The following ERN1 variants were observed in gnomAD, a reference collection of about 807,000 sequenced individuals.
ERN1 encodes endoplasmic reticulum to nucleus signaling 1.
ERN1 carries 39 observed loss-of-function variants against 113.1 expected under a neutral mutation model. The ratio of observed to expected loss-of-function variants is 0.34; its 90% confidence interval spans 0.27 to 0.45. ERN1 has a LOEUF of 0.45. ERN1 is among the 20% of genes least tolerant of loss of function. ERN1 has a pLI of 1.00. For synonymous variants in ERN1, 507 were observed against 515.9 expected, an observed-to-expected ratio of 0.98 and a Z score of 0.23; for missense variants, 976 against 1,274.8, an observed-to-expected ratio of 0.77 and a Z score of 3.57.
chr17:64,060,562 C>T lies in ERN1; in HGVS notation c.1113G>A (p.Ala371=), dbSNP rs752482120. 151 of 1,613,550 alleles carry T rather than the reference C, an allele frequency of 9.4e-5. No homozygotes were observed. Among genetic ancestry groups the T allele is most frequent in the Non-Finnish European group, 1.2e-4 (136 of 1,179,598 alleles). Residue 371 remains alanine, a synonymous_variant, in exon 11 of 22, where the codon GCG becomes GCA. Transcript: ENST00000433197. ...GAAATCTCTCCAGCATCTTGGTAGACGCAGACAGTGGGGTTTCATGGTGTC... is the reference window on the plus strand; with the variant it reads ...GAAATCTCTCCAGCATCTTGGTAGATGCAGACAGTGGGGTTTCATGGTGTC... ...LIGHHETPLS[A]STKMLERFPN...
intron 2 of ERN1, among the ~76,000 whole-genome samples, chr17:64,093,605 A>G (rs1914147470): frequency 6.6e-6 from 1 of 152,154 alleles, no homozygotes; most frequent in South Asian, 2.1e-4. Context: ...ATGTCCTCAC[A>G]TGGTGGAGAG....
At chr17:64,088,856 C>T (rs1434336994) in intron 2 of ERN1, among the ~76,000 whole-genome samples, 1 of 152,176 alleles carries the variant, frequency 6.6e-6, no homozygotes, top group Non-Finnish European at 1.5e-5. Context: ...AAAAATGTCA[C>T]TGTGTTCACG....
At chr17:64,123,845 C>T (rs1261795043) in intron 1 of ERN1, among the ~76,000 whole-genome samples, 2 of 152,124 alleles carry the variant, frequency 1.3e-5, no homozygotes, top group Non-Finnish European at 2.9e-5. Flanking sequence ...AATTATGGTA[C>T]ATCCATTCCA....
At chr17:64,129,780 TCCCGTCAGGGAAGCTCTCCCGGC>T (rs1915185786) in intron 1 of ERN1, 173 bp downstream of exon 1, 1 of 436,076 alleles carries the variant, frequency 2.3e-6, no homozygotes, top group Non-Finnish European at 3.8e-6. Context: ...GGGCCGCGAC[TCCCGTCAGGGAAGCTCTCCCGGC>T]CCGGTGCCGC....
rs112317170 is a variant in ERN1 at position 64,089,505 on chromosome 17, A to G, written c.175+8616T>C. Among the ~76,000 whole-genome samples the G allele has an allele frequency of 2.9e-3, 439 of 152,252 alleles. 2 individuals carry two copies. The highest frequency in any genetic ancestry group is 9.6e-3 in the African/African-American group (397 of 41,548). ...GATTTGAGATGTTCAACTGGTAAAT[A>G]TAATGCAAATATTCCAAACCTAAAA... On this transcript the variant is annotated intron_variant, in intron 2 of 21. Transcript: ENST00000433197.
intron 1 of ERN1, among the ~76,000 whole-genome samples, chr17:64,111,820 A>AT (rs1198319196): frequency 6.6e-6 from 1 of 152,198 alleles, no homozygotes; most frequent in Non-Finnish European, 1.5e-5. Context: ...AATATTGAGA[A>AT]TTTCAAAAGT....
chr17:64,075,081 G>C, intron 5 of ERN1, 94 bp downstream of exon 5: 1 of 1,018,638 alleles, frequency 9.8e-7, no homozygotes, highest in South Asian at 1.4e-5. Flanking sequence ...GGTTGGCAAG[G>C]CGGTGACTGC....
At chr17:64,066,998 T>C in intron 7 of ERN1, 66 bp from the exon 8 acceptor site, 2 of 1,547,840 alleles carry the variant, frequency 1.3e-6, no homozygotes, top group East Asian at 2.3e-5. Context: ...TCCTCTACTC[T>C]TGTGGCAGGC....
chr17:64,045,035 A>T, intron 20 of ERN1, 108 bp from the exon 21 acceptor site: 1 of 837,430 alleles, frequency 1.2e-6, no homozygotes, highest in Non-Finnish European at 1.9e-6. Context: ...CTGAAAGGTG[A>T]GGTCACTCCA....
At chr17:64,073,578 G>A (rs951342092) in intron 5 of ERN1, among the ~76,000 whole-genome samples, 1 of 151,422 alleles carries the variant, frequency 6.6e-6, no homozygotes, top group Admixed American at 6.6e-5. Flanking sequence ...TGCAACCTCC[G>A]CCTCCAGGGT....
At chr17:64,111,356 TG>T (rs766990523) in intron 1 of ERN1, among the ~76,000 whole-genome samples, 7 of 149,100 alleles carry the variant, frequency 4.7e-5, no homozygotes, top group African/African-American at 1.8e-4. Flanking sequence ...GGTCATCCAA[TG>T]TTTTTTTTTT....
intron 9 of ERN1, 63 bp downstream of exon 9, chr17:64,065,146 C>A: frequency 8.5e-7 from 1 of 1,171,424 alleles, no homozygotes; most frequent in South Asian, 1.4e-5. Flanking sequence ...ATAGCAAAGT[C>A]ATTCTTTGCT....
intron 1 of ERN1, among the ~76,000 whole-genome samples, chr17:64,114,526 G>A (rs1011174425): frequency 1.3e-5 from 2 of 152,222 alleles, no homozygotes; most frequent in Non-Finnish European, 2.9e-5. Flanking sequence ...TTGAGGACCC[G>A]GTGGACCAGT....
intron 1 of ERN1, among the ~76,000 whole-genome samples, chr17:64,114,859 G>A (rs1342931152): frequency 6.6e-6 from 1 of 152,130 alleles, no homozygotes; most frequent in East Asian, 1.9e-4. Flanking sequence ...AATATTAGCA[G>A]AACACATCAG....
At chr17:64,098,490 A>T (rs763239955) in intron 1 of ERN1, 50 of 683,150 alleles carry the variant, frequency 7.3e-5, no homozygotes, top group South Asian at 6.8e-4. Context: ...AGAATTCTGA[A>T]ATAATCCATG....
chr17:64,094,262 T>C (rs1472993331), intron 2 of ERN1, among the ~76,000 whole-genome samples: 1 of 152,190 alleles, frequency 6.6e-6, no homozygotes, highest in Non-Finnish European at 1.5e-5. Context: ...GTGGCTATGG[T>C]GGTAAACTAT....
intron 5 of ERN1, among the ~76,000 whole-genome samples, chr17:64,072,702 C>A (rs144982163): frequency 6.6e-6 from 1 of 152,246 alleles, no homozygotes; most frequent in Non-Finnish European, 1.5e-5. Flanking sequence ...GCCATACCCC[C>A]TAATCTTGGT....
intron 1 of ERN1, among the ~76,000 whole-genome samples, chr17:64,103,927 T>C (rs1280583157): frequency 1.3e-5 from 2 of 152,104 alleles, no homozygotes; most frequent in Admixed American, 6.5e-5. Context: ...CATCAGTGGC[T>C]AGAGAACAAC....
At chr17:64,064,788 A>G (rs1349931878) in intron 9 of ERN1, among the ~76,000 whole-genome samples, 1 of 152,216 alleles carries the variant, frequency 6.6e-6, no homozygotes, top group Non-Finnish European at 1.5e-5. Flanking sequence ...GGGCATTTGA[A>G]GTGTGAGGTG....
Sources: allele counts gnomAD v4.1 joint callset (sites outside exome capture counted in the v4.1 genomes callset), GRCh38; gene constraint gnomAD v4.1.1; transcripts MANE v1.5; gene names NCBI Gene and HGNC (gene_info 2026-07-23, HGNC 2026-07-21).